Variants in LTBP1 observed in about 807,000 individuals in gnomAD.
The protein encoded by LTBP1 is latent transforming growth factor beta binding protein 1.
LTBP1 carries 129 observed loss-of-function variants against 207.6 expected under a neutral mutation model. The ratio of observed to expected loss-of-function variants is 0.62; its 90% CI spans 0.54 to 0.72. The LOEUF (loss-of-function observed/expected upper bound fraction) is 0.72, where lower values mean the gene tolerates loss of function less well. Ranked by LOEUF, LTBP1 falls within the 30% of genes least tolerant of loss-of-function variation. LTBP1 has a pLI of 0.00. For synonymous variants in LTBP1, 963 were observed against 833.7 expected, an observed-to-expected ratio of 1.16 and a Z score of -2.67; for missense variants, 2,281 against 2,217.2, an observed-to-expected ratio of 1.03 and a Z score of -0.58.
chr2:33,283,736 A>C (rs2093610823), intron 19 of LTBP1, among the ~76,000 whole-genome samples: 1 of 152,136 alleles, frequency 6.6e-6, no homozygotes, highest in African/African-American at 2.4e-5. Context: ...GTGCCCGGTC[A>C]TTAAAAAGTT....
chr2:33,145,197 A>T (rs1395179740), intron 5 of LTBP1, among the ~76,000 whole-genome samples: 2 of 152,090 alleles, frequency 1.3e-5, no homozygotes, highest in Non-Finnish European at 2.9e-5. Flanking sequence ...TTGAATTTAG[A>T]CTCATGCAAT....
intron 26 of LTBP1, among the ~76,000 whole-genome samples, chr2:33,348,888 C>G (rs2094740830): frequency 6.6e-6 from 1 of 152,166 alleles, no homozygotes. Flanking sequence ...TAGCTCCTGG[C>G]AGCTTTTCCT....
chr2:33,209,592 A>G (rs999615236), intron 7 of LTBP1, among the ~76,000 whole-genome samples: 2 of 152,238 alleles, frequency 1.3e-5, no homozygotes, highest in Non-Finnish European at 2.9e-5. Flanking sequence ...GTATTTCTTT[A>G]CTAGCCAGAG....
At chr2:33,309,878 T>C (rs1218345265) in intron 23 of LTBP1, among the ~76,000 whole-genome samples, 1 of 152,146 alleles carries the variant, frequency 6.6e-6, no homozygotes, top group Admixed American at 6.5e-5. Context: ...TATGGGCATA[T>C]TTTATTTTGT....
chr2:33,065,731 G>C (rs2077477038), intron 3 of LTBP1, among the ~76,000 whole-genome samples: 1 of 152,176 alleles, frequency 6.6e-6, no homozygotes, highest in Non-Finnish European at 1.5e-5. Context: ...AGGTTGGGAG[G>C]TGTTTCTTCT....
chr2:33,153,884 T>G (rs569820880), intron 5 of LTBP1, among the ~76,000 whole-genome samples: 2,280 of 152,218 alleles, frequency 0.015, 22 homozygotes, highest in East Asian at 0.026. Flanking sequence ...AGCGGCATCA[T>G]TGGCACCATT....
chr2:33,388,036 T>C (rs2095282932), intron 31 of LTBP1, among the ~76,000 whole-genome samples: 1 of 152,204 alleles, frequency 6.6e-6, no homozygotes, highest in Non-Finnish European at 1.5e-5. Context: ...AAGTGTATTT[T>C]GTGGAACATA....
intron 25 of LTBP1, among the ~76,000 whole-genome samples, chr2:33,346,782 T>C (rs938115192): frequency 6.6e-6 from 1 of 152,036 alleles, no homozygotes; most frequent in Admixed American, 6.6e-5. Flanking sequence ...AGTGGGCACA[T>C]ACTAGTTTTG....
intron 3 of LTBP1, among the ~76,000 whole-genome samples, chr2:33,028,707 A>T (rs1043091569): frequency 6.6e-6 from 1 of 152,126 alleles, no homozygotes; most frequent in East Asian, 1.9e-4. Context: ...AAATGATGGG[A>T]CCCACTTCTT....
chr2:33,391,954 A>G (rs1344650793), intron 32 of LTBP1, among the ~76,000 whole-genome samples: 1 of 152,098 alleles, frequency 6.6e-6, no homozygotes, highest in Non-Finnish European at 1.5e-5. Context: ...GCAGAGAAAT[A>G]TTTCCCCCTT....
At chr2:33,125,327 A>G (rs1190191931) in intron 4 of LTBP1, among the ~76,000 whole-genome samples, 1 of 152,184 alleles carries the variant, frequency 6.6e-6, no homozygotes, top group Non-Finnish European at 1.5e-5. Flanking sequence ...TGCAGCTTAC[A>G]TGATTGTCAT....
In LTBP1 at chr2:33,134,454, C is replaced by G. The variant is rs1182714533; in HGVS notation, c.1034-339C>G. The G allele has an allele frequency of 2.2e-6, 2 of 902,788 alleles. No individual in the cohort carries two copies. The highest frequency in any genetic ancestry group is 4.3e-5 in the East Asian group (1 of 23,454). 55.9% of individuals were successfully genotyped at this position (902,788 alleles called of 1,614,324 possible). A position where few individuals can be genotyped will look rare whatever the true frequency, so the allele number is the denominator to read the frequency against. ...TGTCAGGGTTGGCTCTTTAATCTGT[C>G]GTGCCCTCGGTATTGCTCTTTGTCT... On this transcript the variant is annotated intron_variant, in intron 4 of 33. Coordinates refer to ENST00000404816, the MANE Select transcript of LTBP1 (RefSeq NM_206943.4). The surrounding 1 kb of genome is among the most constrained non-coding windows in gnomAD (Gnocchi z 4.4).
chr2:33,158,290 A>G (rs926186876), intron 5 of LTBP1, among the ~76,000 whole-genome samples: 3 of 152,220 alleles, frequency 2.0e-5, no homozygotes, highest in Non-Finnish European at 2.9e-5. Context: ...AGAGACTATC[A>G]AACCCAAATA....
chr2:33,277,878 G>A (rs1244760279), intron 18 of LTBP1, among the ~76,000 whole-genome samples: 1 of 141,716 alleles, frequency 7.1e-6, no homozygotes, highest in Admixed American at 7.3e-5. Context: ...CGCCCAGGCT[G>A]GAGTGCAGTG....
intron 2 of LTBP1, among the ~76,000 whole-genome samples, chr2:33,020,564 C>T (rs995237611): frequency 1.5e-4 from 23 of 152,040 alleles, no homozygotes; most frequent in Admixed American, 2.0e-4. Context: ...GTTTCAAATC[C>T]GAGCTCTTCT....
At chr2:33,366,944 T>C (rs2094995887) in intron 31 of LTBP1, among the ~76,000 whole-genome samples, 1 of 152,180 alleles carries the variant, frequency 6.6e-6, no homozygotes, top group African/African-American at 2.4e-5. Context: ...AAAAATCACA[T>C]GTATTCCTCC....
intron 18 of LTBP1, 50 bp from the exon 19 acceptor site, chr2:33,279,989 G>C: frequency 6.3e-7 from 1 of 1,599,964 alleles, no homozygotes. Flanking sequence ...GTAAGATTTT[G>C]CTTTGGTATT....
At chr2:33,254,858 T>TGTG (rs1558893278) in intron 11 of LTBP1, among the ~76,000 whole-genome samples, 1 of 96,838 alleles carries the variant, frequency 1.0e-5, no homozygotes, top group Admixed American at 9.7e-5. Context: ...TTTGGTTTTT[T>TGTG]TTTTTTTTTT....
intron 2 of LTBP1, among the ~76,000 whole-genome samples, chr2:32,961,858 A>C (rs1330515987): frequency 2.6e-5 from 4 of 151,778 alleles, no homozygotes; most frequent in Non-Finnish European, 4.4e-5. Context: ...AGGCAGGGGA[A>C]TCACTTGAAC....
Sources: allele counts gnomAD v4.1 joint callset (sites outside exome capture counted in the v4.1 genomes callset), GRCh38; gene constraint gnomAD v4.1.1; non-coding constraint Gnocchi (gnomAD v3.1); transcripts MANE v1.5; gene names NCBI Gene and HGNC (gene_info 2026-07-23, HGNC 2026-07-21).